Variants in PTPN18 observed in about 807,000 individuals in gnomAD.
PTPN18 encodes the protein protein tyrosine phosphatase non-receptor type 18, also known as tyrosine-protein phosphatase non-receptor type 18.
Under a neutral mutation model 65.4 loss-of-function variants are expected in PTPN18, and 65 were observed. The observed-to-expected ratio is 0.99, with a 90% CI of 0.81 to 1.22. The LOEUF is 1.22. Among genes scored for constraint, PTPN18 ranks in the 50% most tolerant of loss-of-function variants. PTPN18 has a pLI of 0.00. For missense variants in PTPN18, 616 were observed against 646.5 expected (o/e 0.95, Z 0.51); for synonymous variants, 255 against 267.8 (o/e 0.95, Z 0.47).
In PTPN18 at chr2:130,374,702, G is replaced by C. The variant is rs1247885103; in HGVS notation, c.*1478G>C. On this transcript the variant is annotated 3_prime_UTR_variant, in exon 15 of 15. Transcript: ENST00000175756. ...TCTGACTGACACTGTGCCTGCCCAG[G>C]TCCCTGTATGCACTGCCACAGTGCC... 3 of 470,716 alleles carry C rather than the reference G, an allele frequency of 6.4e-6. No individual in the cohort carries two copies. Among genetic ancestry groups the C allele is most frequent in the East Asian group, 1.4e-4 (2 of 14,364 alleles). 29.2% of individuals were successfully genotyped at this position (470,716 alleles called of 1,614,324 possible).
chr2:130,374,141 C>CA lies in PTPN18; in HGVS notation c.*918dup, dbSNP rs1002498074. The stretch of plus-strand genomic sequence containing the variant: ...TCTTGATGGATGGACCCCAGCTAGT[C>CA]AGACATGATCCTCCAGATTGACAGA... On this transcript the variant is annotated 3_prime_UTR_variant, in exon 15 of 15. Coordinates refer to ENST00000175756, the MANE Select transcript of PTPN18 (RefSeq NM_014369.4). The CA allele has an allele frequency of 5.8e-5, 9 of 154,342 alleles. No homozygotes were observed. The highest frequency in any genetic ancestry group is 5.8e-4 in the Admixed American group (9 of 15,644). The allele number at this position is 154,342 out of a possible 1,614,324, so 9.6% of individuals were successfully genotyped here.
chr2:130,371,834 T>C (rs910093175), intron 12 of PTPN18, among the ~76,000 whole-genome samples: 1 of 151,802 alleles, frequency 6.6e-6, no homozygotes, highest in Admixed American at 6.5e-5. Context: ...ACAAAAAAAA[T>C]TCAGCAAATA....
At chr2:130,358,310 A>T (rs761335001) in intron 1 of PTPN18, among the ~76,000 whole-genome samples, 1 of 152,210 alleles carries the variant, frequency 6.6e-6, no homozygotes, top group East Asian at 1.9e-4. Flanking sequence ...GTAATACACG[A>T]TTCACTAATT....
Position 130,370,539 on chromosome 2 carries a change from C to T in PTPN18, c.690-18C>T. 6.2e-7 allele frequency: 1 copy of T among 1,614,166 alleles called. No individual in the cohort carries two copies. ...TGTGGTCAGGACCTGACCAGGCACA[C>T]TCTGATTCTCTTGTCAGTGCGGGTT... On this transcript the variant is annotated intron_variant, in intron 8 of 14. Transcript: ENST00000175756.
rs1413557310 is a variant in PTPN18 at position 130,374,294 on chromosome 2, C to A, written c.*1070C>A. On this transcript the variant is annotated 3_prime_UTR_variant, in exon 15 of 15. Transcript: ENST00000175756. ...GACTCCCAACCAGACTGACCCCTTA[C>A]TATTCACACAGCCTGCCGAGTAGCT... is the stretch of plus-strand genomic sequence containing the variant. 1.3e-5 allele frequency: 3 copies of A among 236,422 alleles called. No homozygotes were observed. Among genetic ancestry groups the A allele is most frequent in the African/African-American group, 6.8e-5 (3 of 44,380 alleles). The allele number at this position is 236,422 out of a possible 1,614,324, so 14.6% of individuals were successfully genotyped here.
At position 130,373,319 on chromosome 2, in the gene PTPN18, C is replaced by T; in HGVS notation, c.*95C>T. 2 of 1,248,884 alleles carry T rather than the reference C, an allele frequency of 1.6e-6. No individual in the cohort carries two copies. Among genetic ancestry groups the T allele is most frequent in the Admixed American group, 3.0e-5 (1 of 32,908 alleles). The allele number at this position is 1,248,884 out of a possible 1,614,324, so 77.4% of individuals were successfully genotyped here. On this transcript the variant is annotated 3_prime_UTR_variant, in exon 15 of 15. Coordinates refer to ENST00000175756, the MANE Select transcript of PTPN18 (RefSeq NM_014369.4). The surrounding 1 kb of genome is among the most constrained non-coding windows in gnomAD (Gnocchi z 4.1). The stretch of plus-strand genomic sequence containing the variant: ...CCGTGCGCAGAATGGAAACAGTGGG[C>T]CTGGATCAAAGTTAAAGTTTCTCAG...
At position 130,356,561 on chromosome 2, in the gene PTPN18, C is replaced by T. The variant is rs979236960; in HGVS notation, c.93+361C>T. ...CTGCTGCGCTGGACAGCCCCGGCCC[C>T]GCCGCTTCTGGCGACCTGACTGTCC... On this transcript the variant is annotated intron_variant, in intron 1 of 14. Coordinates refer to ENST00000175756, the MANE Select transcript of PTPN18 (RefSeq NM_014369.4). The T allele has an allele frequency of 3.4e-5, 17 of 494,834 alleles. No homozygotes were observed. The East Asian group carries it at 9.6e-4, about 28-fold the overall frequency. The allele number at this position is 494,834 out of a possible 1,614,324, so 30.7% of individuals were successfully genotyped here.
At chr2:130,372,543 C>T in intron 13 of PTPN18, 60 bp downstream of exon 13, 20 of 1,397,068 alleles carry the variant, frequency 1.4e-5, no homozygotes, top group Non-Finnish European at 1.6e-5. Flanking sequence ...AGGGCGGAAC[C>T]ATCCTGCAGT....
intron 5 of PTPN18, among the ~76,000 whole-genome samples, chr2:130,362,905 C>T (rs1189995130): frequency 2.6e-5 from 4 of 151,964 alleles, no homozygotes; most frequent in Non-Finnish European, 4.4e-5. Flanking sequence ...CTGCAACCTC[C>T]GCCTCCCGGG....
chr2:130,366,349 TGTTGA>T (rs1358204360), intron 5 of PTPN18, among the ~76,000 whole-genome samples: 4 of 152,238 alleles, frequency 2.6e-5, no homozygotes, highest in Admixed American at 2.6e-4. Flanking sequence ...TATGAAACGC[TGTTGA>T]GTTTTGTCAA....
chr2:130,362,290 A>T, intron 5 of PTPN18: 1 of 358,228 alleles, frequency 2.8e-6, no homozygotes, highest in Non-Finnish European at 5.6e-6. Context: ...TTTAAATCTA[A>T]TCTGACAGTC....
At chr2:130,372,712 C>A in intron 13 of PTPN18, 161 bp from the exon 14 acceptor site, 2 of 999,270 alleles carry the variant, frequency 2.0e-6, no homozygotes, top group Non-Finnish European at 2.9e-6. Context: ...GTCTTGGCCG[C>A]GCCCAAAGGC....
chr2:130,359,383 T>C lies in PTPN18; in HGVS notation c.280-14T>C. 6.2e-7 allele frequency: 1 copy of C among 1,614,080 alleles called. No homozygotes were observed. The highest frequency in any genetic ancestry group is 2.2e-5 in the East Asian group (1 of 44,882). On this transcript the variant is annotated splice_polypyrimidine_tract_variant and intron_variant, in intron 3 of 14. Coordinates refer to ENST00000175756, the MANE Select transcript of PTPN18 (RefSeq NM_014369.4). ...GGGCCGCAGAATCTCAGTCGTGAAT[T>C]CGGCCTTCACCAGGGCGTGGATGGA...
At chr2:130,372,831 G>C (rs1420815019) in intron 13 of PTPN18, 42 bp from the exon 14 acceptor site, 1 of 1,609,024 alleles carries the variant, frequency 6.2e-7, no homozygotes, top group East Asian at 2.2e-5. Context: ...GGGACTCCCT[G>C]GGGCTTCCGG....
intron 13 of PTPN18, 88 bp downstream of exon 13, chr2:130,372,571 C>T: frequency 2.2e-6 from 3 of 1,373,782 alleles, no homozygotes; most frequent in Non-Finnish European, 1.9e-6. Context: ...CAGGCCCTGG[C>T]GGCCGCGGGG....
At position 130,372,039 on chromosome 2, in the gene PTPN18, A is replaced by T. The variant is rs144057899; in HGVS notation, c.1014-218A>T. The T allele has an allele frequency of 9.0e-4, 468 of 520,962 alleles. 1 individual carries two copies. Among genetic ancestry groups the T allele is most frequent in the African/African-American group, 8.5e-3 (418 of 49,350 alleles). 32.3% of individuals were successfully genotyped at this position (520,962 alleles called of 1,614,324 possible). On this transcript the variant is annotated intron_variant, in intron 12 of 14. Coordinates refer to ENST00000175756, the MANE Select transcript of PTPN18 (RefSeq NM_014369.4). The stretch of plus-strand genomic sequence containing the variant: ...CCCCTCAAACCAACACTCTGCCCCA[A>T]ATTACCCTCCAGGCTGACCCCGTTC...
At chr2:130,362,615 T>C (rs1680252350) in intron 5 of PTPN18, among the ~76,000 whole-genome samples, 1 of 152,190 alleles carries the variant, frequency 6.6e-6, no homozygotes, top group Non-Finnish European at 1.5e-5. Flanking sequence ...CGATTACCCC[T>C]TTCCATGCTT....
At position 130,372,481 on chromosome 2, in the gene PTPN18, G is replaced by T; in HGVS notation, c.1238G>T (p.Arg413Leu). ...AEDARGTLPG[R>L]VPADQSPAGS... ...GACGCGAGGGGGACGCTGCCTGGCC[G>T]CGGTGAGTCGAGGCTTGCTCCTTCT... The change falls in exon 13 of 15, where the codon CGC becomes CTC. Residue 413 changes from arginine (R) to leucine (L), a missense_variant and splice_region_variant. Arg to Leu is a moderately radical substitution (Grantham distance 102). This residue lies in a region of PTPN18 where 368 missense variants were observed against 386.7 expected (regional missense o/e 0.95). Coordinates refer to ENST00000175756, the MANE Select transcript of PTPN18 (RefSeq NM_014369.4). 1 of 1,375,786 alleles carries T rather than the reference G, an allele frequency of 7.3e-7. No individual in the cohort carries two copies. The highest frequency in any genetic ancestry group is 9.3e-7 in the Non-Finnish European group (1 of 1,071,998). The allele number at this position is 1,375,786 out of a possible 1,614,324, so 85.2% of individuals were successfully genotyped here.
chr2:130,366,532 A>C (rs988432068), intron 5 of PTPN18, among the ~76,000 whole-genome samples: 1 of 152,014 alleles, frequency 6.6e-6, no homozygotes, highest in Non-Finnish European at 1.5e-5. Flanking sequence ...TTTTGTGTCT[A>C]TGTTTGTGAG....
Sources: allele counts gnomAD v4.1 joint callset (sites outside exome capture counted in the v4.1 genomes callset), GRCh38; gene constraint gnomAD v4.1.1; regional missense constraint gnomAD v4.1.1; non-coding constraint Gnocchi (gnomAD v3.1); transcripts MANE v1.5; gene names NCBI Gene and HGNC (gene_info 2026-07-23, HGNC 2026-07-21).